PCDHGA9: variants seen among roughly 807,000 people sequenced by gnomAD.
The protein encoded by PCDHGA9 is protocadherin gamma subfamily A, 9, also known as protocadherin gamma-A9.
Under a neutral mutation model 62.5 loss-of-function variants are expected in PCDHGA9, and 37 were observed. The observed-to-expected ratio is 0.59, with a 90% CI of 0.46 to 0.78. The LOEUF is 0.78. Ranked by LOEUF, PCDHGA9 falls within the 30% of genes least tolerant of loss-of-function variation. The probability of loss-of-function intolerance (pLI) is 0.00; values close to 1 mark genes in which losing one functional copy is unlikely to be tolerated. For missense variants in PCDHGA9, 1,138 were observed against 1,166.2 expected (o/e 0.98, Z 0.35); for synonymous variants, 459 against 484.6 (o/e 0.95, Z 0.69).
chr5:141,467,296 A>G lies in PCDHGA9; in HGVS notation c.2425-27511A>G, dbSNP rs1032802325. Among the ~76,000 whole-genome samples the G allele has an allele frequency of 6.6e-5, 10 of 151,858 alleles. No individual in the cohort carries two copies. The East Asian group carries it at 9.7e-4, about 15-fold the overall frequency. On this transcript the variant is annotated intron_variant, in intron 1 of 3. Transcript: ENST00000573521. The stretch of plus-strand genomic sequence containing the variant: ...TCGAACTCTTGACCTCAAGTGATCC[A>G]CTCACCTCGGCCTCCCACAGTGCTG...
chr5:141,451,579 A>G (rs1222576609), intron 1 of PCDHGA9, among the ~76,000 whole-genome samples: 1 of 152,084 alleles, frequency 6.6e-6, no homozygotes, highest in Non-Finnish European at 1.5e-5. Flanking sequence ...TTATAAACCT[A>G]ATTTTGAAAG....
chr5:141,489,225 A>G lies in PCDHGA9; in HGVS notation c.2425-5582A>G. 3 of 1,518,230 alleles carry G rather than the reference A, an allele frequency of 2.0e-6. No individual in the cohort carries two copies. Among genetic ancestry groups the G allele is most frequent in the East Asian group, 2.3e-5 (1 of 44,234 alleles). 94.0% of individuals were successfully genotyped at this position (1,518,230 alleles called of 1,614,324 possible). On this transcript the variant is annotated intron_variant, in intron 1 of 3. Coordinates refer to ENST00000573521, the MANE Select transcript of PCDHGA9 (RefSeq NM_018921.3). The surrounding 1 kb of genome is among the most constrained non-coding windows in gnomAD (Gnocchi z 4.5). ...GGACAGCACAGACTTACTCTCCACA[A>G]AGGGACTTCTGGGTCATGGGGCCCA...
chr5:141,446,920 C>T (rs2098520337), intron 1 of PCDHGA9, among the ~76,000 whole-genome samples: 1 of 152,108 alleles, frequency 6.6e-6, no homozygotes, highest in African/African-American at 2.4e-5. Flanking sequence ...TATTTATCTT[C>T]CTGATCTCTT....
chr5:141,417,683 A>AAG lies in PCDHGA9; in HGVS notation c.2424+12308_2424+12309insGA, dbSNP rs201105096. 3.0e-3 allele frequency: 3,154 copies of AAG among 1,038,272 alleles called. 110 individuals carry two copies. In the East Asian group the frequency reaches 0.071, roughly 24 times the overall value. The allele number at this position is 1,038,272 out of a possible 1,614,324, so 64.3% of individuals were successfully genotyped here. The stretch of plus-strand genomic sequence containing the variant: ...GATTCCCTGCGCAGCCAACAACAGA[A>AAG]AAGAAAACCAGCTCCCACACAGAGG... On this transcript the variant is annotated intron_variant, in intron 1 of 3. Transcript: ENST00000573521.
At chr5:141,474,854 T>G (rs1007461186) in intron 1 of PCDHGA9, among the ~76,000 whole-genome samples, 3 of 152,260 alleles carry the variant, frequency 2.0e-5, no homozygotes, top group African/African-American at 7.2e-5. Flanking sequence ...CCTGCCTTCT[T>G]CATTTAATAG....
rs73794918 is a variant in PCDHGA9, at chr5:141,443,711, A to G, written c.2424+38335A>G. On this transcript the variant is annotated intron_variant, in intron 1 of 3. Coordinates refer to ENST00000573521, the MANE Select transcript of PCDHGA9 (RefSeq NM_018921.3). ...TCAAAAATTATAGAATAACATTTGC[A>G]TATAAAATTCCTCATACATTTCCCT... 9.8e-3 allele frequency among the ~76,000 whole-genome samples: 1,497 copies of G among 152,340 alleles called. 25 individuals are homozygous for G. Among genetic ancestry groups the G allele is most frequent in the African/African-American group, 0.033 (1,382 of 41,580 alleles).
At chr5:141,451,832 G>A (rs1190124133) in intron 1 of PCDHGA9, among the ~76,000 whole-genome samples, 1 of 150,948 alleles carries the variant, frequency 6.6e-6, no homozygotes, top group Non-Finnish European at 1.5e-5. Context: ...AGTGAGCCGA[G>A]ATCACACCAC....
Position 141,490,350 on chromosome 5 carries a change from G to T in PCDHGA9, c.2425-4457G>T. On this transcript the variant is annotated intron_variant, in intron 1 of 3. Transcript: ENST00000573521. This position sits in a 1 kb window ranked among gnomAD's most constrained non-coding sequence, Gnocchi z 5.4. Reference sequence around the variant, plus strand: ...GCACACCAGTGGGCACAGTAGTGGGGTTGTTTAATGTGCGAGACCGGGACT... The same window carrying T: ...GCACACCAGTGGGCACAGTAGTGGGTTTGTTTAATGTGCGAGACCGGGACT... 2 of 1,614,204 alleles carry T rather than the reference G, an allele frequency of 1.2e-6. No homozygotes were observed. The highest frequency in any genetic ancestry group is 1.7e-6 in the Non-Finnish European group (2 of 1,180,034).
At chr5:141,422,446 A>G in intron 1 of PCDHGA9, 1 of 1,610,700 alleles carries the variant, frequency 6.2e-7, no homozygotes, top group South Asian at 1.1e-5. Context: ...CAAATTGATA[A>G]CAAGCAGAGT....
rs541341061 is a variant in PCDHGA9 at position 141,404,585 on chromosome 5, A to G, written c.1633A>G (p.Asn545Asp). 2 of 1,614,006 alleles carry G rather than the reference A, an allele frequency of 1.2e-6. No homozygotes were observed. The highest frequency in any genetic ancestry group is 2.2e-5 in the East Asian group (1 of 44,890). Reference sequence around the variant, plus strand: ...CAGTGGAAGCCCACCACTTAGCAGCAATGTGTCATTGAGACTGTTTGTTTT... The same window carrying G: ...CAGTGGAAGCCCACCACTTAGCAGCGATGTGTCATTGAGACTGTTTGTTTT... ...SDSGSPPLSS[N>D]VSLRLFVLDQ... Residue 545 changes from asparagine (N) to aspartate (D), a missense_variant, in exon 1 of 4, where the codon AAT becomes GAT. By Grantham distance (23) the Asn-to-Asp change is conservative. Coordinates refer to ENST00000573521, the MANE Select transcript of PCDHGA9 (RefSeq NM_018921.3).
rs746275941 is a variant in PCDHGA9, at chr5:141,404,709, A to G, written c.1757A>G (p.Tyr586Cys). 2.0e-5 allele frequency: 33 copies of G among 1,613,624 alleles called. No homozygotes were observed. The highest frequency in any genetic ancestry group is 2.7e-5 in the Non-Finnish European group (32 of 1,179,970). ...GCACCCCGCTCTGCAGAGCCTGGCT[A>G]CCTGGTGACCAAGGTGGTGGCAGTG... The part of the protein sequence containing the change: ...ELAPRSAEPG[Y>C]LVTKVVAVDR... Residue 586 changes from tyrosine to cysteine, a missense_variant, in exon 1 of 4, where the codon TAC becomes TGC. Transcript: ENST00000573521.
chr5:141,464,053 T>C (rs111614367), intron 1 of PCDHGA9, among the ~76,000 whole-genome samples: 9,857 of 152,054 alleles, frequency 0.065, 668 homozygotes, highest in African/African-American at 0.17. Flanking sequence ...TCACCTGAGG[T>C]CAGGAGTTCA....
At chr5:141,475,760 C>T (rs1480762060) in intron 1 of PCDHGA9, among the ~76,000 whole-genome samples, 1 of 152,286 alleles carries the variant, frequency 6.6e-6, no homozygotes, top group Non-Finnish European at 1.5e-5. Flanking sequence ...TGCACCGATA[C>T]TGGCAAGGCG....
Position 141,402,816 on chromosome 5 carries a change from C to T in PCDHGA9, c.-137C>T. 7.9e-7 allele frequency: 1 copy of T among 1,261,762 alleles called. No homozygotes were observed. Among genetic ancestry groups the T allele is most frequent in the South Asian group, 1.7e-5 (1 of 58,176 alleles). 78.2% of individuals were successfully genotyped at this position (1,261,762 alleles called of 1,614,324 possible). On this transcript the variant is annotated 5_prime_UTR_variant, in exon 1 of 4. Coordinates refer to ENST00000573521, the MANE Select transcript of PCDHGA9 (RefSeq NM_018921.3). ...CACAAAACCCGGCAGATACCACAAA[C>T]CTGCTCCCAGGCTGCAGCAAAACTC...
chr5:141,423,141 G>T (rs2096714253), intron 1 of PCDHGA9: 6 of 1,613,580 alleles, frequency 3.7e-6, no homozygotes, highest in East Asian at 2.2e-5. Context: ...ACAGAGACGC[G>T]CTCAAGCAGA....
Position 141,491,905 on chromosome 5 carries a change from G to A in PCDHGA9, c.2425-2902G>A. 7.1e-7 allele frequency: 1 copy of A among 1,418,328 alleles called. No individual in the cohort carries two copies. Among genetic ancestry groups the A allele is most frequent in the Non-Finnish European group, 9.3e-7 (1 of 1,069,952 alleles). 87.9% of individuals were successfully genotyped at this position (1,418,328 alleles called of 1,614,324 possible). ...GATGGGGCTCCGAGCACCGGGGGTG[G>A]TGGCGACTGTGGGCGAGGGGAGGTG... On this transcript the variant is annotated intron_variant, in intron 1 of 3. Transcript: ENST00000573521. This position sits in a 1 kb window ranked among gnomAD's most constrained non-coding sequence, Gnocchi z 6.9.
rs143138320 is a variant in PCDHGA9 at position 141,489,458 on chromosome 5, G to C, written c.2425-5349G>C. The stretch of plus-strand genomic sequence containing the variant: ...CAATTGGGCTCTGAGGAGAATGGGC[G>C]CTATTTTTCCCTGAGCTTGATGAGT... On this transcript the variant is annotated intron_variant, in intron 1 of 3. Coordinates refer to ENST00000573521, the MANE Select transcript of PCDHGA9 (RefSeq NM_018921.3). The surrounding 1 kb of genome is among the most constrained non-coding windows in gnomAD (Gnocchi z 4.5). 3.7e-6 allele frequency: 6 copies of C among 1,613,924 alleles called. No individual in the cohort carries two copies. The highest frequency in any genetic ancestry group is 5.1e-6 in the Non-Finnish European group (6 of 1,180,000).
chr5:141,422,901 C>T (rs768086403), intron 1 of PCDHGA9: 5 of 1,614,276 alleles, frequency 3.1e-6, no homozygotes, highest in Non-Finnish European at 4.2e-6. Context: ...ACCAGAACGA[C>T]AATGCGCCCG....
In PCDHGA9 at chr5:141,476,877, T is replaced by C. The variant is rs2099400648; in HGVS notation, c.2425-17930T>C. ...CAGTCCTTGTACCGGGCGCGCGTCC[T>C]GGAGGATGCACCCTCCGGCACGCGC... On this transcript the variant is annotated intron_variant, in intron 1 of 3. Transcript: ENST00000573521. This position sits in a 1 kb window ranked among gnomAD's most constrained non-coding sequence, Gnocchi z 7.6. 4.3e-6 allele frequency: 7 copies of C among 1,613,954 alleles called. No homozygotes were observed. The highest frequency in any genetic ancestry group is 5.9e-6 in the Non-Finnish European group (7 of 1,180,038).
Sources: gnomAD v4.1 joint callset for allele counts (sites outside exome capture counted in the v4.1 genomes callset) on GRCh38, gnomAD v4.1.1 for gene constraint, Gnocchi (gnomAD v3.1) non-coding constraint, MANE v1.5 for transcripts, NCBI Gene and HGNC (gene_info 2026-07-23, HGNC 2026-07-21) for gene names.